C12orf42: variants seen among roughly 807,000 people sequenced by gnomAD.
The protein encoded by C12orf42 is uncharacterized protein C12orf42.
In C12orf42, 25 loss-of-function variants were observed where a neutral mutation model predicts 21.6. That is an observed-to-expected ratio of 1.16 (90% CI 0.84 to 1.62). The LOEUF is 1.62. Among genes scored for constraint, C12orf42 ranks in the 40% most tolerant of loss-of-function variants. The probability of loss-of-function intolerance (pLI) is 0.00; values close to 1 mark genes in which losing one functional copy is unlikely to be tolerated. For missense variants in C12orf42, 483 were observed against 459.3 expected, an observed-to-expected ratio of 1.05 and a Z score of -0.47; for synonymous variants, 174 against 175.0, an observed-to-expected ratio of 0.99 and a Z score of 0.05.
intron 3 of C12orf42, among the ~76,000 whole-genome samples, chr12:103,389,830 ACT>A (rs1223875063): frequency 9.3e-5 from 14 of 151,288 alleles, no homozygotes; most frequent in Non-Finnish European, 1.9e-4. Flanking sequence ...TGTGTCAGCG[ACT>A]CTCCCAGTTT....
chr12:103,189,960 G>T, the C12orf42 span, among the ~76,000 whole-genome samples: 4 of 145,558 alleles, frequency 2.7e-5, no homozygotes, highest in South Asian at 9.3e-4. Context: ...AGAACAATTG[G>T]ATATACATGT....
chr12:103,090,219 C>T, the C12orf42 span, among the ~76,000 whole-genome samples: 1 of 152,150 alleles, frequency 6.6e-6, no homozygotes. Flanking sequence ...AGCATGATCT[C>T]AATCAGGTTT....
At chr12:103,333,239 A>G (rs956413162) in intron 4 of C12orf42, among the ~76,000 whole-genome samples, 9 of 152,178 alleles carry the variant, frequency 5.9e-5, no homozygotes, top group African/African-American at 2.2e-4. Flanking sequence ...TTGCTTCTCC[A>G]TTCCTTATTG....
At chr12:103,492,825 T>C (rs368863246) in intron 1 of C12orf42, among the ~76,000 whole-genome samples, 145 of 152,246 alleles carry the variant, frequency 9.5e-4, no homozygotes, top group African/African-American at 3.3e-3. Flanking sequence ...GAATTATTGA[T>C]CCACACCCCC....
At chr12:103,468,937 T>C (rs1209142826) in intron 2 of C12orf42, among the ~76,000 whole-genome samples, 1 of 152,208 alleles carries the variant, frequency 6.6e-6, no homozygotes, top group Non-Finnish European at 1.5e-5. Flanking sequence ...TTTACTCCAG[T>C]AAAATCTAGC....
chr12:103,213,622 C>T, the C12orf42 span, among the ~76,000 whole-genome samples: 6 of 152,190 alleles, frequency 3.9e-5, no homozygotes, highest in African/African-American at 1.4e-4. Context: ...CCTGGATCTT[C>T]GTGCAGTTGT....
intron 5 of C12orf42, among the ~76,000 whole-genome samples, chr12:103,272,851 G>A (rs1398613903): frequency 1.3e-5 from 2 of 152,134 alleles, no homozygotes; most frequent in South Asian, 2.1e-4. Context: ...AGGAATGATC[G>A]GGCCTCCTGA....
At chr12:103,187,838 T>C in the C12orf42 span, among the ~76,000 whole-genome samples, 2 of 152,222 alleles carry the variant, frequency 1.3e-5, no homozygotes. Context: ...ATGGCACTGG[T>C]CACCACATAA....
chr12:103,226,618 C>T, the C12orf42 span, among the ~76,000 whole-genome samples: 19 of 152,080 alleles, frequency 1.2e-4, no homozygotes, highest in Admixed American at 4.6e-4. Flanking sequence ...GGGCTAGTCA[C>T]GGAAAGAAAC....
At chr12:103,225,941 C>T in the C12orf42 span, among the ~76,000 whole-genome samples, 1 of 152,208 alleles carries the variant, frequency 6.6e-6, no homozygotes, top group Non-Finnish European at 1.5e-5. Context: ...CAGTGTCTGT[C>T]TTCAGCCGCT....
the C12orf42 span, among the ~76,000 whole-genome samples, chr12:103,056,721 C>T: frequency 3.8e-3 from 584 of 151,986 alleles, 5 homozygotes; most frequent in South Asian, 0.031. Context: ...TTTCTATTCC[C>T]TTAATTATTT....
chr12:103,058,307 T>C, the C12orf42 span, among the ~76,000 whole-genome samples: 3 of 152,206 alleles, frequency 2.0e-5, no homozygotes, highest in Admixed American at 2.0e-4. Context: ...CTTTGCCCAC[T>C]TTTTAATGGG....
the C12orf42 span, among the ~76,000 whole-genome samples, chr12:103,117,695 T>C: frequency 6.6e-6 from 1 of 152,236 alleles, no homozygotes; most frequent in African/African-American, 2.4e-5. Context: ...CCTAGTTCTC[T>C]GATTTTGCAC....
chr12:103,100,943 T>C, the C12orf42 span, among the ~76,000 whole-genome samples: 1 of 152,204 alleles, frequency 6.6e-6, no homozygotes, highest in African/African-American at 2.4e-5. Flanking sequence ...CGATTATACA[T>C]TCAAAAAGTC....
chr12:103,135,580 C>A, the C12orf42 span, among the ~76,000 whole-genome samples: 3 of 152,072 alleles, frequency 2.0e-5, no homozygotes, highest in African/African-American at 7.2e-5. Flanking sequence ...AACCATGAAT[C>A]AACTGATAGA....
chr12:103,058,390 A>G, the C12orf42 span, among the ~76,000 whole-genome samples: 7 of 152,152 alleles, frequency 4.6e-5, no homozygotes, highest in Non-Finnish European at 1.0e-4. Context: ...TGTCAGATGG[A>G]TAGCTTGCAA....
chr12:103,190,547 G>T, the C12orf42 span, among the ~76,000 whole-genome samples: 1 of 152,156 alleles, frequency 6.6e-6, no homozygotes. Context: ...GAATGCTGAG[G>T]ATAGATAGAA....
the C12orf42 span, among the ~76,000 whole-genome samples, chr12:103,104,575 G>A: frequency 1.3e-5 from 2 of 152,160 alleles, no homozygotes; most frequent in African/African-American, 4.8e-5. Context: ...CAAGCAGCTG[G>A]GACTACAGGC....
At chr12:103,253,612 A>G (rs1262962702) in intron 10 of C12orf42, among the ~76,000 whole-genome samples, 4 of 152,012 alleles carry the variant, frequency 2.6e-5, no homozygotes, top group African/African-American at 9.7e-5. Flanking sequence ...CTGCTTGTCT[A>G]CATTTGGTGT....
Sources: allele counts gnomAD v4.1 joint callset (sites outside exome capture counted in the v4.1 genomes callset), GRCh38; gene constraint gnomAD v4.1.1; transcripts MANE v1.5; gene names NCBI Gene and HGNC (gene_info 2026-07-23, HGNC 2026-07-21).